Variants in SMYD3 observed in about 807,000 individuals in gnomAD.
The protein encoded by SMYD3 is histone-lysine N-methyltransferase SMYD3.
SMYD3 carries 36 observed loss-of-function variants against 57.7 expected under a neutral mutation model. The observed-to-expected ratio is 0.62, with a 90% CI of 0.48 to 0.82. The LOEUF is 0.82. Ranked by LOEUF, SMYD3 falls within the 40% of genes least tolerant of loss-of-function variation. SMYD3 has a pLI of 0.00. For synonymous variants in SMYD3, 211 were observed against 195.0 expected, an observed-to-expected ratio of 1.08 and a Z score of -0.68; for missense variants, 515 against 538.8, an observed-to-expected ratio of 0.96 and a Z score of 0.44.
At chr1:246,438,563 A>T (rs574205874) in intron 1 of SMYD3, among the ~76,000 whole-genome samples, 2 of 152,256 alleles carry the variant, frequency 1.3e-5, no homozygotes, top group East Asian at 3.9e-4. Context: ...ACCAAAATCC[A>T]TGGATGCTCA....
At chr1:246,176,303 T>G (rs1394470618) in intron 5 of SMYD3, among the ~76,000 whole-genome samples, 2 of 152,158 alleles carry the variant, frequency 1.3e-5, no homozygotes, top group Non-Finnish European at 2.9e-5. Context: ...CATTCCTACA[T>G]CCATTCACCA....
chr1:246,174,580 G>A (rs1282012776), intron 5 of SMYD3, among the ~76,000 whole-genome samples: 2 of 152,154 alleles, frequency 1.3e-5, no homozygotes, highest in African/African-American at 4.8e-5. Flanking sequence ...TTGAGTAGCT[G>A]GGACTACAGG....
At chr1:246,136,799 G>C (rs921614950) in intron 5 of SMYD3, among the ~76,000 whole-genome samples, 1 of 152,232 alleles carries the variant, frequency 6.6e-6, no homozygotes, top group African/African-American at 2.4e-5. Flanking sequence ...CTAAGATGCA[G>C]ACAGTCCTAA....
chr1:246,405,705 G>C (rs1409485549), intron 1 of SMYD3, among the ~76,000 whole-genome samples: 1 of 151,952 alleles, frequency 6.6e-6, no homozygotes, highest in East Asian at 1.9e-4. Context: ...TCAGGAGATC[G>C]AGACCATCCT....
intron 10 of SMYD3, among the ~76,000 whole-genome samples, chr1:245,856,209 T>G (rs2051230817): frequency 6.6e-6 from 1 of 152,270 alleles, no homozygotes; most frequent in Non-Finnish European, 1.5e-5. Context: ...AGGCAAAGTA[T>G]GACAACATCT....
chr1:245,821,189 C>G (rs2049135971), intron 10 of SMYD3, among the ~76,000 whole-genome samples: 1 of 149,878 alleles, frequency 6.7e-6, no homozygotes, highest in Non-Finnish European at 1.5e-5. Flanking sequence ...GTACTGGTAC[C>G]AAAACAGAGA....
chr1:245,772,705 T>A (rs1196174076), intron 10 of SMYD3, among the ~76,000 whole-genome samples: 1 of 152,162 alleles, frequency 6.6e-6, no homozygotes, highest in African/African-American at 2.4e-5. Context: ...TTTCTTACTC[T>A]TATTAGTTTG....
intron 5 of SMYD3, among the ~76,000 whole-genome samples, chr1:246,160,810 G>A (rs1328897490): frequency 6.6e-6 from 1 of 152,142 alleles, no homozygotes; most frequent in Non-Finnish European, 1.5e-5. Context: ...GGTAAGCATT[G>A]GGGAAATACT....
chr1:246,024,082 A>G (rs1375334616), intron 5 of SMYD3, among the ~76,000 whole-genome samples: 1 of 152,232 alleles, frequency 6.6e-6, no homozygotes, highest in Non-Finnish European at 1.5e-5. Flanking sequence ...CCTAGAGGTC[A>G]AATTGAGATG....
At chr1:246,094,637 C>T (rs767448946) in intron 5 of SMYD3, among the ~76,000 whole-genome samples, 3 of 152,140 alleles carry the variant, frequency 2.0e-5, no homozygotes, top group Non-Finnish European at 4.4e-5. Flanking sequence ...GTTCAATGCC[C>T]AGGCAGATAC....
intron 5 of SMYD3, among the ~76,000 whole-genome samples, chr1:246,027,139 C>T (rs1488404609): frequency 6.6e-6 from 1 of 152,120 alleles, no homozygotes; most frequent in Non-Finnish European, 1.5e-5. Flanking sequence ...TCTATAAAGG[C>T]TGAGAGAGGT....
intron 5 of SMYD3, among the ~76,000 whole-genome samples, chr1:246,231,999 G>A (rs1226543587): frequency 1.3e-5 from 2 of 152,192 alleles, no homozygotes; most frequent in Non-Finnish European, 2.9e-5. Context: ...TGAGACCACA[G>A]TCCAGGAGAA....
At chr1:246,341,854 T>C (rs1257979407) in intron 2 of SMYD3, among the ~76,000 whole-genome samples, 1 of 152,154 alleles carries the variant, frequency 6.6e-6, no homozygotes, top group Non-Finnish European at 1.5e-5. Flanking sequence ...AGCTCATTAT[T>C]GTTTGGGATA....
At chr1:246,050,983 T>C (rs1338406765) in intron 5 of SMYD3, among the ~76,000 whole-genome samples, 1 of 151,998 alleles carries the variant, frequency 6.6e-6, no homozygotes, top group Non-Finnish European at 1.5e-5. Flanking sequence ...TGATGAGAGG[T>C]AAAAGGATGG....
intron 11 of SMYD3, among the ~76,000 whole-genome samples, chr1:245,758,592 T>C (rs899791072): frequency 1.3e-5 from 2 of 152,182 alleles, no homozygotes; most frequent in Non-Finnish European, 2.9e-5. Context: ...GTTTCCTCCA[T>C]TCTGTTGTGG....
At chr1:245,829,184 G>A (rs968486518) in intron 10 of SMYD3, among the ~76,000 whole-genome samples, 6 of 147,948 alleles carry the variant, frequency 4.1e-5, no homozygotes, top group Non-Finnish European at 8.9e-5. Context: ...CACTTATATG[G>A]TTTCAGAACA....
chr1:246,481,621 T>TATATATATATATATAC lies in SMYD3; in HGVS notation c.164+25432_164+25433insGTATATATATATATAT, dbSNP rs1307881494. Among the ~76,000 whole-genome samples the TATATATATATATATAC allele has an allele frequency of 7.1e-3, 700 of 98,168 alleles. 34 individuals carry two copies. The highest frequency in any genetic ancestry group is 0.012 in the Middle Eastern group (2 of 166). 64.4% of individuals were successfully genotyped at this position (98,168 alleles called of 152,430 possible). ...ATATATATATATACACATACATATA[T>TATATATATATATATAC]ACATACATACATACACATATTCATA... On this transcript the variant is annotated intron_variant, in intron 1 of 11. Coordinates refer to ENST00000490107, the MANE Select transcript of SMYD3 (RefSeq NM_001167740.2).
chr1:245,944,914 T>G (rs535937205), intron 5 of SMYD3, among the ~76,000 whole-genome samples: 4 of 152,190 alleles, frequency 2.6e-5, no homozygotes, highest in Non-Finnish European at 5.9e-5. Flanking sequence ...AAAATGGTAC[T>G]GGGGGAACTG....
intron 5 of SMYD3, among the ~76,000 whole-genome samples, chr1:246,284,659 G>A (rs913437968): frequency 4.0e-5 from 6 of 151,862 alleles, no homozygotes; most frequent in African/African-American, 4.8e-5. Flanking sequence ...CTCGTGATCC[G>A]CCCACCTCAG....
Sources: allele counts gnomAD v4.1 joint callset (sites outside exome capture counted in the v4.1 genomes callset), GRCh38; gene constraint gnomAD v4.1.1; transcripts MANE v1.5; gene names NCBI Gene and HGNC (gene_info 2026-07-23, HGNC 2026-07-21).